Variants in KLF12 observed in about 807,000 individuals in gnomAD.
The protein encoded by KLF12 is Krueppel-like factor 12.
In KLF12, 9 loss-of-function variants were observed where a neutral mutation model predicts 37.8. The observed-to-expected ratio is 0.24, with a 90% confidence interval of 0.14 to 0.42. The LOEUF (loss-of-function observed/expected upper bound fraction) is 0.42. Ranked by LOEUF, KLF12 falls within the 10% of genes least tolerant of loss-of-function variation. KLF12 has a pLI of 1.00. For synonymous variants in KLF12, 208 were observed against 202.1 expected (o/e 1.03, Z -0.25); for missense variants, 411 against 516.0 (o/e 0.80, Z 1.97).
intron 2 of KLF12, among the ~76,000 whole-genome samples, chr13:73,955,238 T>C (rs1227739338): frequency 6.6e-6 from 1 of 152,220 alleles, no homozygotes; most frequent in Admixed American, 6.5e-5. Flanking sequence ...CTTCCCAAAC[T>C]GATTTTTAGA....
intron 1 of KLF12, among the ~76,000 whole-genome samples, chr13:74,004,872 AG>A (rs1243527446): frequency 6.6e-6 from 1 of 152,126 alleles, no homozygotes; most frequent in Non-Finnish European, 1.5e-5. Flanking sequence ...CATGAAACTT[AG>A]GATTAATGAA....
At chr13:74,198,038 G>A in the KLF12 span, among the ~76,000 whole-genome samples, 23 of 151,886 alleles carry the variant, frequency 1.5e-4, no homozygotes, top group African/African-American at 1.9e-4. Flanking sequence ...AAAGAAAGAA[G>A]GAAGGAAGGA....
At chr13:74,077,914 G>A (rs2138739031) in intron 1 of KLF12, among the ~76,000 whole-genome samples, 1 of 152,252 alleles carries the variant, frequency 6.6e-6, no homozygotes, top group African/African-American at 2.4e-5. Context: ...CTTTTAAGAA[G>A]TTATTAAACT....
At chr13:73,960,686 C>A (rs1488214477) in intron 2 of KLF12, among the ~76,000 whole-genome samples, 1 of 152,098 alleles carries the variant, frequency 6.6e-6, no homozygotes, top group African/African-American at 2.4e-5. Flanking sequence ...GAAACTGAAA[C>A]AATGTATTGT....
At chr13:73,708,221 T>C (rs1875095248) in intron 7 of KLF12, among the ~76,000 whole-genome samples, 2 of 152,222 alleles carry the variant, frequency 1.3e-5, no homozygotes, top group African/African-American at 4.8e-5. Flanking sequence ...TTAAGTTTAC[T>C]AATTTTTAAG....
intron 5 of KLF12, among the ~76,000 whole-genome samples, chr13:73,810,345 T>C (rs73216751): frequency 0.34 from 51,335 of 152,118 alleles, 9,072 homozygotes; most frequent in East Asian, 0.64. Flanking sequence ...ATACATAATA[T>C]GCACGTATTA....
the KLF12 span, among the ~76,000 whole-genome samples, chr13:74,152,224 A>G: frequency 6.6e-6 from 1 of 152,226 alleles, no homozygotes; most frequent in Non-Finnish European, 1.5e-5. Flanking sequence ...ATTTCTCAAT[A>G]CAGGCTGGTT....
At chr13:73,776,296 C>T (rs192509347) in intron 5 of KLF12, among the ~76,000 whole-genome samples, 3 of 152,272 alleles carry the variant, frequency 2.0e-5, no homozygotes, top group Non-Finnish European at 2.9e-5. Context: ...GTAGCAGTTT[C>T]CTCACTGCCA....
rs145282863 is a variant in KLF12 at position 74,039,173 on chromosome 13, T to C, written c.-31-44120A>G. ...TGGTATTTTAATTTATTAGTCTCTCTGCCAAGTTGGTCTAATCAGATCTTT... is the reference window on the plus strand; with the variant it reads ...TGGTATTTTAATTTATTAGTCTCTCCGCCAAGTTGGTCTAATCAGATCTTT... On this transcript the variant is annotated intron_variant, in intron 1 of 7. Coordinates refer to ENST00000377669, the MANE Select transcript of KLF12 (RefSeq NM_007249.5). 1.0e-2 allele frequency among the ~76,000 whole-genome samples: 1,516 copies of C among 152,308 alleles called. 20 individuals carry two copies. The highest frequency in any genetic ancestry group is 0.03 in the African/African-American group (1,252 of 41,572).
chr13:74,245,621 T>C, the KLF12 span, among the ~76,000 whole-genome samples: 1 of 152,172 alleles, frequency 6.6e-6, no homozygotes, highest in Non-Finnish European at 1.5e-5. Flanking sequence ...GAGAACCTTG[T>C]TTTATTTTCT....
chr13:73,975,876 T>C (rs9600206), intron 2 of KLF12, among the ~76,000 whole-genome samples: 7,111 of 152,180 alleles, frequency 0.047, 335 homozygotes, highest in African/African-American at 0.12. Context: ...ATCTTCACAA[T>C]AGAACCCCAA....
intron 5 of KLF12, among the ~76,000 whole-genome samples, chr13:73,799,286 CA>C (rs1411738839): frequency 6.6e-6 from 1 of 151,792 alleles, no homozygotes; most frequent in African/African-American, 2.4e-5. Context: ...GGGAGAAGAG[CA>C]AAAAAGATAA....
At chr13:73,768,756 C>T (rs191667844) in intron 5 of KLF12, among the ~76,000 whole-genome samples, 1 of 152,256 alleles carries the variant, frequency 6.6e-6, no homozygotes, top group African/African-American at 2.4e-5. Flanking sequence ...TTACTGTCCA[C>T]ATTTTATCTT....
intron 1 of KLF12, among the ~76,000 whole-genome samples, chr13:74,083,824 T>C (rs1349112764): frequency 6.6e-6 from 1 of 152,176 alleles, no homozygotes; most frequent in Non-Finnish European, 1.5e-5. Flanking sequence ...AAAAGTCTCT[T>C]AGGGTACAGA....
chr13:74,258,642 T>C, the KLF12 span: 6 of 152,246 alleles, frequency 3.9e-5, no homozygotes, highest in Admixed American at 1.3e-4. Context: ...TAAGAAGTGT[T>C]ATCTTTGTTA....
intron 1 of KLF12, among the ~76,000 whole-genome samples, chr13:74,062,737 G>A (rs78384246): frequency 0.016 from 2,489 of 152,168 alleles, 62 homozygotes; most frequent in African/African-American, 0.057. Flanking sequence ...TCAGCAAAGG[G>A]CATCCTTTGC....
the KLF12 span, among the ~76,000 whole-genome samples, chr13:74,283,295 C>T: frequency 2.0e-5 from 3 of 152,160 alleles, no homozygotes; most frequent in African/African-American, 7.2e-5. Flanking sequence ...AAGTAAGATG[C>T]TTTCCTTTGA....
intron 1 of KLF12, among the ~76,000 whole-genome samples, chr13:74,010,632 ATTTAT>A (rs1593827838): frequency 6.6e-6 from 1 of 152,228 alleles, no homozygotes; most frequent in African/African-American, 2.4e-5. Context: ...ATTTTTTCTT[ATTTAT>A]AAGTACTATT....
Position 73,965,336 on chromosome 13 carries a change from T to G in KLF12, c.34-21266A>C, listed in dbSNP as rs192753779. Among the ~76,000 whole-genome samples, 8 of 152,320 alleles carry G rather than the reference T, an allele frequency of 5.3e-5. No homozygotes were observed. The East Asian group carries it at 1.5e-3, about 29-fold the overall frequency. ...GACTAAAGACTTTGGGGCAAAATAT[T>G]TTAATGTCAAGTCTCCATAAGAAAT... On this transcript the variant is annotated intron_variant, in intron 2 of 7. Transcript: ENST00000377669.
Sources: allele counts gnomAD v4.1 joint callset (sites outside exome capture counted in the v4.1 genomes callset), GRCh38; gene constraint gnomAD v4.1.1; transcripts MANE v1.5; gene names NCBI Gene and HGNC (gene_info 2026-07-23, HGNC 2026-07-21).